The following TXNDC16 variants were observed in gnomAD, a reference collection of about 807,000 sequenced individuals.
TXNDC16 encodes thioredoxin domain-containing protein 16.
TXNDC16 carries 74 observed loss-of-function variants against 85.6 expected under a neutral mutation model. The observed-to-expected ratio is 0.86, with a 90% confidence interval of 0.72 to 1.05. TXNDC16 has a LOEUF of 1.05. TXNDC16 is among the 50% of genes least tolerant of loss of function. The pLI is 0.00. For missense variants in TXNDC16, 959 were observed against 947.0 expected (o/e 1.01, Z -0.17); for synonymous variants, 335 against 326.5 (o/e 1.03, Z -0.28).
intron 4 of TXNDC16, 21 bp from the exon 5 acceptor site, chr14:52,537,693 G>C: frequency 7.1e-7 from 1 of 1,417,808 alleles, no homozygotes; most frequent in Non-Finnish European, 9.9e-7. Flanking sequence ...GTATACTTAA[G>C]TTTTAGCATA....
intron 6 of TXNDC16, among the ~76,000 whole-genome samples, chr14:52,530,258 T>TATAATAATATATAATATATATTATATA (rs552800699): frequency 2.4e-4 from 14 of 59,436 alleles, no homozygotes; most frequent in African/African-American, 9.8e-4. Context: ...ATATATATTA[T>TATAATAATATATAATATATATTATATA]ATAATATATA....
At chr14:52,458,495 T>G (rs1362316613) in intron 16 of TXNDC16, among the ~76,000 whole-genome samples, 3 of 152,132 alleles carry the variant, frequency 2.0e-5, no homozygotes, top group African/African-American at 7.2e-5. Context: ...AGAAGGAGAT[T>G]GCACTGAGCT....
intron 17 of TXNDC16, among the ~76,000 whole-genome samples, chr14:52,456,062 C>T (rs1168310717): frequency 2.6e-5 from 4 of 152,144 alleles, no homozygotes; most frequent in Non-Finnish European, 5.9e-5. Flanking sequence ...ATCCCTTTCG[C>T]TAACTAAACC....
At chr14:52,449,699 C>G (rs540770194) in intron 18 of TXNDC16, among the ~76,000 whole-genome samples, 1 of 152,158 alleles carries the variant, frequency 6.6e-6, no homozygotes, top group Admixed American at 6.5e-5. Context: ...TAGGTTAAGT[C>G]ATAAAACAAG....
At chr14:52,454,855 G>C (rs916070435) in intron 18 of TXNDC16, among the ~76,000 whole-genome samples, 4 of 152,082 alleles carry the variant, frequency 2.6e-5, no homozygotes, top group African/African-American at 7.2e-5. Context: ...TTTGTTGGAT[G>C]CTTACCATGG....
chr14:52,530,039 T>C (rs1163413592), intron 6 of TXNDC16, among the ~76,000 whole-genome samples: 2 of 89,738 alleles, frequency 2.2e-5, no homozygotes, highest in Admixed American at 4.0e-4. Context: ...ATTATTTTTA[T>C]GTAATTTATT....
At chr14:52,493,412 T>C (rs1423232928) in intron 9 of TXNDC16, among the ~76,000 whole-genome samples, 2 of 151,722 alleles carry the variant, frequency 1.3e-5, no homozygotes, top group African/African-American at 4.8e-5. Flanking sequence ...ATACAGACTA[T>C]GTGGGAAGAA....
chr14:52,447,300 G>A lies in TXNDC16; in HGVS notation c.1843-6576C>T, dbSNP rs74465079. The stretch of plus-strand genomic sequence containing the variant: ...CTCCCTGTGGGCCTGTGGTAGCAGT[G>A]GCCATGGGGTGAGGCTCCTCTATCT... On this transcript the variant is annotated intron_variant, in intron 18 of 20. Coordinates refer to ENST00000281741, the MANE Select transcript of TXNDC16 (RefSeq NM_020784.3). 4.6e-3 allele frequency among the ~76,000 whole-genome samples: 702 copies of A among 152,246 alleles called. 28 individuals carry two copies. The East Asian group carries it at 0.11, about 24-fold the overall frequency.
In TXNDC16 at chr14:52,537,609, A is replaced by G; in HGVS notation, c.307T>C (p.Tyr103His). Residue 103 changes from tyrosine (Y) to histidine (H), a missense_variant, in exon 5 of 21, where the codon TAT (tyrosine) becomes CAT (histidine). Transcript: ENST00000281741. The part of the protein sequence containing the change: ...CGKEKDLMKA[Y>H]LFKGNILLRE... The stretch of plus-strand genomic sequence containing the variant: ...AGGAAAATAGCTTACTTGAATAAAT[A>G]TGCTTTCATCAAATCCTTTTCTTTT... 3 of 1,585,414 alleles carry G rather than the reference A, an allele frequency of 1.9e-6. No individual in the cohort carries two copies. Among genetic ancestry groups the G allele is most frequent in the Non-Finnish European group, 2.6e-6 (3 of 1,155,806 alleles).
chr14:52,476,899 G>GA (rs1240715143), intron 14 of TXNDC16, among the ~76,000 whole-genome samples: 1 of 152,106 alleles, frequency 6.6e-6, no homozygotes, highest in Non-Finnish European at 1.5e-5. Flanking sequence ...TAAGACAAAG[G>GA]AAAGAATCTT....
At position 52,432,410 on chromosome 14, in the gene TXNDC16, G is replaced by A. The variant is rs146027288; in HGVS notation, c.2372C>T (p.Pro791Leu). ...HEDKSAVRKE[P>L]IETLRIKHWN... ...ATGCTTTATTCTCAGAGTTTCAATCGGTTCTTTTCTGACTGCCGATTTATC... is the reference window on the plus strand; with the variant it reads ...ATGCTTTATTCTCAGAGTTTCAATCAGTTCTTTTCTGACTGCCGATTTATC... Residue 791 changes from proline (P) to leucine (L), a missense_variant, in exon 21 of 21, where the codon CCG (proline) becomes CTG (leucine). By Grantham distance (98) the Pro-to-Leu change is moderately conservative. Transcript: ENST00000281741. The A allele has an allele frequency of 2.3e-3, 3,772 of 1,613,774 alleles. 8 individuals carry two copies. The highest frequency in any genetic ancestry group is 2.5e-3 in the Non-Finnish European group (2,964 of 1,179,886).
chr14:52,520,451 A>T (rs2037183925), intron 6 of TXNDC16, among the ~76,000 whole-genome samples: 1 of 152,070 alleles, frequency 6.6e-6, no homozygotes, highest in Non-Finnish European at 1.5e-5. Flanking sequence ...CTCTACTAAA[A>T]ATAAAAAAAT....
At chr14:52,491,618 T>C (rs1224926881) in intron 9 of TXNDC16, among the ~76,000 whole-genome samples, 1 of 151,970 alleles carries the variant, frequency 6.6e-6, no homozygotes, top group Non-Finnish European at 1.5e-5. Flanking sequence ...GTGGGACTAA[T>C]TGATATAGAA....
chr14:52,507,452 G>C (rs1594740630), intron 9 of TXNDC16, among the ~76,000 whole-genome samples: 3 of 152,086 alleles, frequency 2.0e-5, no homozygotes, highest in Admixed American at 2.0e-4. Flanking sequence ...ATGCTCATGG[G>C]TAGGAAGAAT....
chr14:52,497,880 C>CAAAAA (rs36007755), intron 9 of TXNDC16, among the ~76,000 whole-genome samples: 4 of 95,556 alleles, frequency 4.2e-5, no homozygotes, highest in Non-Finnish European at 2.1e-5. Flanking sequence ...GACTCTGTCT[C>CAAAAA]AAAAAAAAAA....
intron 16 of TXNDC16, among the ~76,000 whole-genome samples, chr14:52,464,107 TG>T (rs1220518258): frequency 2.7e-4 from 41 of 152,356 alleles, no homozygotes; most frequent in Admixed American, 2.4e-3. Context: ...TATCATCATT[TG>T]TGTAAAAATA....
chr14:52,548,275 A>G (rs1221235349), intron 1 of TXNDC16, among the ~76,000 whole-genome samples: 2 of 152,214 alleles, frequency 1.3e-5, no homozygotes, highest in African/African-American at 2.4e-5. Flanking sequence ...CCTTGCTTCT[A>G]GTGAGCAAGG....
At chr14:52,479,044 C>T (rs113312133) in intron 14 of TXNDC16, among the ~76,000 whole-genome samples, 1 of 152,160 alleles carries the variant, frequency 6.6e-6, no homozygotes, top group Non-Finnish European at 1.5e-5. Context: ...ACCACATAAA[C>T]GGAATCAAAA....
chr14:52,530,298 A>C (rs1283568438), intron 6 of TXNDC16, among the ~76,000 whole-genome samples: 2 of 52,042 alleles, frequency 3.8e-5, no homozygotes, highest in Non-Finnish European at 6.3e-5. Flanking sequence ...TATTATATAT[A>C]ATATTAATAT....
Sources: allele counts gnomAD v4.1 joint callset (sites outside exome capture counted in the v4.1 genomes callset), GRCh38; gene constraint gnomAD v4.1.1; transcripts MANE v1.5; gene names NCBI Gene and HGNC (gene_info 2026-07-23, HGNC 2026-07-21).